TEX14: variants seen among roughly 807,000 people sequenced by gnomAD.
The protein encoded by TEX14 is testis expressed 14, intercellular bridge forming factor, also known as inactive serine/threonine-protein kinase TEX14.
A neutral mutation model predicts 178.6 loss-of-function variants in TEX14; 168 were observed. The observed-to-expected ratio is 0.94, with a 90% CI of 0.83 to 1.07. The LOEUF (loss-of-function observed/expected upper bound fraction) is 1.07. Among genes scored for constraint, TEX14 ranks in the 50% least tolerant of loss-of-function variants. The probability of loss-of-function intolerance (pLI) is 0.00; values close to 1 mark genes in which losing one functional copy is unlikely to be tolerated. For missense variants in TEX14, 1,730 were observed against 1,753.6 expected, an observed-to-expected ratio of 0.99 and a Z score of 0.24; for synonymous variants, 626 against 634.1, an observed-to-expected ratio of 0.99 and a Z score of 0.19.
At chr17:58,653,440 C>T (rs2046880380) in intron 1 of TEX14, among the ~76,000 whole-genome samples, 1 of 151,976 alleles carries the variant, frequency 6.6e-6, no homozygotes, top group African/African-American at 2.4e-5. Context: ...AATGTGTCCC[C>T]CAAAATTTAT....
Position 58,627,535 on chromosome 17 carries a change from C to T in TEX14, c.251+2905G>A, listed in dbSNP as rs535689814. Among the ~76,000 whole-genome samples, 4 of 152,136 alleles carry T rather than the reference C, an allele frequency of 2.6e-5. No individual in the cohort carries two copies. In the East Asian group the frequency reaches 7.7e-4, roughly 29 times the overall value. Reference sequence around the variant, plus strand: ...CCTGTAATCTCAGCACTTTGGAAGGCGGAGGCTGGTGGATCACCTGAGGTC... The same window carrying T: ...CCTGTAATCTCAGCACTTTGGAAGGTGGAGGCTGGTGGATCACCTGAGGTC... On this transcript the variant is annotated intron_variant, in intron 3 of 31. Coordinates refer to ENST00000349033, the MANE Select transcript of TEX14 (RefSeq NM_031272.5).
intron 17 of TEX14, among the ~76,000 whole-genome samples, chr17:58,587,226 G>A (rs1489878747): frequency 1.3e-5 from 2 of 152,016 alleles, no homozygotes; most frequent in Non-Finnish European, 1.5e-5. Flanking sequence ...GTTATACATC[G>A]TTTTGCTTAA....
chr17:58,607,849 C>T (rs1018031155), intron 10 of TEX14, among the ~76,000 whole-genome samples: 1 of 152,230 alleles, frequency 6.6e-6, no homozygotes, highest in East Asian at 1.9e-4. Context: ...ATTTACCGGC[C>T]AGCCGTAGTG....
intron 10 of TEX14, among the ~76,000 whole-genome samples, chr17:58,606,038 C>T (rs2144497208): frequency 6.6e-6 from 1 of 152,304 alleles, no homozygotes; most frequent in African/African-American, 2.4e-5. Flanking sequence ...CTGGGACTTC[C>T]CCAACTCCTC....
chr17:58,604,376 C>A (rs2045554162), intron 11 of TEX14, among the ~76,000 whole-genome samples: 1 of 150,686 alleles, frequency 6.6e-6, no homozygotes, highest in Non-Finnish European at 1.5e-5. Flanking sequence ...GAGGCTGAGG[C>A]AGAAGAATCG....
intron 16 of TEX14, 91 bp from the exon 17 acceptor site, chr17:58,587,757 C>G: frequency 8.7e-7 from 1 of 1,150,162 alleles, no homozygotes; most frequent in Non-Finnish European, 1.3e-6. Flanking sequence ...CAAAAGCCCA[C>G]CAGCCCATCC....
intron 20 of TEX14, among the ~76,000 whole-genome samples, chr17:58,578,882 G>A (rs139197045): frequency 4.6e-5 from 7 of 152,264 alleles, no homozygotes; most frequent in Admixed American, 6.5e-5. Flanking sequence ...GAAGAAGGGA[G>A]TAAGTTCATA....
chr17:58,666,534 A>G (rs2047212440), intron 1 of TEX14: 1 of 149,782 alleles, frequency 6.7e-6, no homozygotes, highest in Admixed American at 6.6e-5. Flanking sequence ...CAACTACCAC[A>G]ACCAGCAGCA....
chr17:58,633,501 G>A (rs2046366420), intron 2 of TEX14, among the ~76,000 whole-genome samples: 1 of 152,204 alleles, frequency 6.6e-6, no homozygotes, highest in Non-Finnish European at 1.5e-5. Flanking sequence ...ACAGCAGAGG[G>A]TTAAAGCTGG....
At position 58,599,168 on chromosome 17, in the gene TEX14, A is replaced by T. The variant is rs1447471007; in HGVS notation, c.2177T>A (p.Leu726His). The change falls in exon 14 of 32, where the codon CTC becomes CAC. Residue 726 changes from leucine (L) to histidine (H), a missense_variant. Around this residue, in one of 2 missense-constraint regions of TEX14, gnomAD observed 941 missense variants for 1,072.4 expected, o/e 0.88. Transcript: ENST00000349033. The part of the protein sequence containing the change: ...LNNMSTTEEY[L>H]ISKCVLDLKI... The stretch of plus-strand genomic sequence containing the variant: ...TAGATCCAGCACACACTTACTGATG[A>T]GATACTCCTCAGTCGTGGACATGTT... 4 of 1,614,144 alleles carry T rather than the reference A, an allele frequency of 2.5e-6. No individual in the cohort carries two copies. The South Asian group carries it at 4.4e-5, about 18-fold the overall frequency.
At chr17:58,594,078 C>A (rs1272449308) in intron 14 of TEX14, among the ~76,000 whole-genome samples, 3 of 152,066 alleles carry the variant, frequency 2.0e-5, no homozygotes, top group Non-Finnish European at 4.4e-5. Context: ...TGTGATCCAC[C>A]CACCTCGGCC....
chr17:58,561,572 G>A lies in TEX14; in HGVS notation c.4105C>T (p.Gln1369Ter), dbSNP rs1422473996. 6.2e-7 allele frequency: 1 copy of A among 1,614,014 alleles called. No individual in the cohort carries two copies. The highest frequency in any genetic ancestry group is 2.2e-5 in the East Asian group (1 of 44,886). Reference sequence around the variant, plus strand: ...AGCTCCACGCTCTCCTCAGGTGGCTGCAGCCATCTTTCCAGGTCCTCATCC... The same window carrying A: ...AGCTCCACGCTCTCCTCAGGTGGCTACAGCCATCTTTCCAGGTCCTCATCC... Reference protein sequence around the residue: ...TLDEDLERWLQPPEESVELQD... With the variant: ...TLDEDLERWL The change falls in exon 29 of 32, where the codon CAG (glutamine) becomes TAG (stop). Residue 1369 changes from glutamine to a stop codon, truncating the protein, a stop_gained. Transcript: ENST00000349033. LOFTEE classifies it high-confidence loss of function.
intron 27 of TEX14, 55 bp from the exon 28 acceptor site, chr17:58,565,023 C>A: frequency 1.6e-6 from 2 of 1,230,512 alleles, no homozygotes; most frequent in African/African-American, 3.1e-5. Context: ...ATTGAGAAAG[C>A]TTGCCTTAAA....
intron 21 of TEX14, among the ~76,000 whole-genome samples, chr17:58,574,453 G>A (rs1230087215): frequency 6.6e-6 from 1 of 151,942 alleles, no homozygotes; most frequent in Non-Finnish European, 1.5e-5. Context: ...CAAAGCGGGT[G>A]GGTCACGAGG....
intron 24 of TEX14, 61 bp downstream of exon 24, chr17:58,571,860 T>G: frequency 6.9e-7 from 1 of 1,441,864 alleles, no homozygotes; most frequent in South Asian, 1.2e-5. Flanking sequence ...CTTGGCAGTT[T>G]GGGTCACTGG....
intron 10 of TEX14, among the ~76,000 whole-genome samples, chr17:58,606,284 T>C (rs2045605062): frequency 1.3e-5 from 2 of 152,224 alleles, no homozygotes; most frequent in Admixed American, 6.5e-5. Flanking sequence ...AAACACTCGG[T>C]GAGCCATAAA....
rs1455354287 is a variant in TEX14, at chr17:58,569,688, AC to A, written c.3818-429del. 2.6e-5 allele frequency among the ~76,000 whole-genome samples: 4 copies of A among 152,246 alleles called. No individual in the cohort carries two copies. The highest frequency in any genetic ancestry group is 4.4e-5 in the Non-Finnish European group (3 of 68,034). On this transcript the variant is annotated intron_variant, in intron 25 of 31. Transcript: ENST00000349033. The surrounding 1 kb of genome is among the most constrained non-coding windows in gnomAD (Gnocchi z 4.1). ...TATCAGGCCAGGGGATTTAGAGGCA[AC>A]CACACTTTGGGTCTTGCCCCAAGTG... is the stretch of plus-strand genomic sequence containing the variant.
intron 14 of TEX14, among the ~76,000 whole-genome samples, chr17:58,594,264 T>G (rs987653764): frequency 6.6e-6 from 1 of 151,838 alleles, no homozygotes; most frequent in Admixed American, 6.6e-5. Context: ...CCCTCCTATA[T>G]GAATATGAAG....
At chr17:58,666,313 A>C (rs2047204154) in intron 1 of TEX14, among the ~76,000 whole-genome samples, 1 of 151,998 alleles carries the variant, frequency 6.6e-6, no homozygotes, top group South Asian at 2.1e-4. Flanking sequence ...GCTCCACTGC[A>C]CTCCAGCCTG....
Sources: allele counts gnomAD v4.1 joint callset (sites outside exome capture counted in the v4.1 genomes callset), GRCh38; gene constraint gnomAD v4.1.1; regional missense constraint gnomAD v4.1.1; non-coding constraint Gnocchi (gnomAD v3.1); transcripts MANE v1.5; gene names NCBI Gene and HGNC (gene_info 2026-07-23, HGNC 2026-07-21).